The following IQSEC1 variants were observed in gnomAD, a reference collection of about 807,000 sequenced individuals.
The protein encoded by IQSEC1 is IQ motif and SEC7 domain-containing protein 1.
A neutral mutation model predicts 91.0 loss-of-function variants in IQSEC1; 31 were observed. That is an observed-to-expected ratio of 0.34 (90% CI 0.26 to 0.46). The LOEUF (loss-of-function observed/expected upper bound fraction) is 0.46. Among genes scored for constraint, IQSEC1 ranks in the 20% least tolerant of loss-of-function variants. The pLI is 1.00. For synonymous variants in IQSEC1, 699 were observed against 662.6 expected, an observed-to-expected ratio of 1.05 and a Z score of -0.84; for missense variants, 1,388 against 1,575.6, an observed-to-expected ratio of 0.88 and a Z score of 2.02.
intron 3 of IQSEC1, among the ~76,000 whole-genome samples, chr3:12,927,791 CTG>C (rs1412675663): frequency 6.6e-6 from 1 of 152,250 alleles, no homozygotes; most frequent in Non-Finnish European, 1.5e-5. Flanking sequence ...GAGGCCTAGT[CTG>C]TGCAGGGGGC....
chr3:13,240,000 A>G (rs140908698), intron 1 of IQSEC1, among the ~76,000 whole-genome samples: 9 of 152,258 alleles, frequency 5.9e-5, no homozygotes, highest in Admixed American at 3.3e-4. Flanking sequence ...CTTTGCGCGC[A>G]CTGGAAAACT....
intron 1 of IQSEC1, chr3:13,042,378 C>T (rs1204608845): frequency 1.3e-5 from 2 of 152,264 alleles, no homozygotes; most frequent in Admixed American, 6.5e-5. Flanking sequence ...ACCTTTTGGT[C>T]TCCAGCTGGA....
intron 2 of IQSEC1, among the ~76,000 whole-genome samples, chr3:13,104,722 C>T (rs1208543135): frequency 6.6e-6 from 1 of 152,222 alleles, no homozygotes; most frequent in Non-Finnish European, 1.5e-5. Flanking sequence ...CCTTCCTCTT[C>T]ACCCCTCACT....
intron 1 of IQSEC1, among the ~76,000 whole-genome samples, chr3:13,046,792 TC>T (rs1199444765): frequency 6.6e-6 from 1 of 151,834 alleles, no homozygotes; most frequent in Non-Finnish European, 1.5e-5. Flanking sequence ...AGCACAGATG[TC>T]CCCTCCTCCC....
chr3:13,037,942 A>G (rs1052894646), intron 1 of IQSEC1, among the ~76,000 whole-genome samples: 2 of 152,080 alleles, frequency 1.3e-5, no homozygotes, highest in African/African-American at 2.4e-5. Context: ...ATGATTGCAC[A>G]ATAACGTGAA....
At chr3:12,965,782 G>A (rs1373023040) in intron 1 of IQSEC1, among the ~76,000 whole-genome samples, 1 of 152,198 alleles carries the variant, frequency 6.6e-6, no homozygotes. Context: ...TGGAGGGGCA[G>A]AAACCCCTCC....
chr3:13,247,810 T>C (rs1019632876), intron 1 of IQSEC1, among the ~76,000 whole-genome samples: 1 of 152,058 alleles, frequency 6.6e-6, no homozygotes, highest in African/African-American at 2.4e-5. Context: ...ACACAGGCAT[T>C]GCAGGCACTG....
intron 1 of IQSEC1, among the ~76,000 whole-genome samples, chr3:13,219,353 A>G (rs1263883547): frequency 6.6e-6 from 1 of 152,122 alleles, no homozygotes; most frequent in Non-Finnish European, 1.5e-5. Context: ...CAGGTGCTGG[A>G]AATCCCCTCC....
intron 1 of IQSEC1, among the ~76,000 whole-genome samples, chr3:12,969,772 A>G (rs2125536997): frequency 6.6e-6 from 1 of 152,270 alleles, no homozygotes; most frequent in South Asian, 2.1e-4. Context: ...TCTTGGCGAC[A>G]TTGTCTCGGC....
At chr3:13,241,698 C>T (rs1302254448) in intron 1 of IQSEC1, among the ~76,000 whole-genome samples, 2 of 152,270 alleles carry the variant, frequency 1.3e-5, no homozygotes, top group Admixed American at 6.5e-5. Flanking sequence ...TAGCCCAGTT[C>T]CCGGGCTTCC....
chr3:12,968,784 T>A (rs532264571), intron 1 of IQSEC1, among the ~76,000 whole-genome samples: 1 of 152,106 alleles, frequency 6.6e-6, no homozygotes, highest in African/African-American at 2.4e-5. Flanking sequence ...TACAAGTCCA[T>A]CTCCTGGAGG....
intron 2 of IQSEC1, among the ~76,000 whole-genome samples, chr3:13,124,519 G>A: frequency 6.6e-6 from 1 of 152,192 alleles, no homozygotes; most frequent in East Asian, 1.9e-4. Flanking sequence ...ACAGAAAACA[G>A]AGACCGAGAG....
At chr3:13,234,317 G>A (rs980541424) in intron 1 of IQSEC1, among the ~76,000 whole-genome samples, 1 of 149,436 alleles carries the variant, frequency 6.7e-6, no homozygotes, top group South Asian at 2.2e-4. Context: ...GTGTCTGTGT[G>A]TGCCTGTGGG....
chr3:12,970,275 T>C lies in IQSEC1; in HGVS notation c.24-28410A>G, dbSNP rs973370136. Among the ~76,000 whole-genome samples, 6 of 152,208 alleles carry C rather than the reference T, an allele frequency of 3.9e-5. No homozygotes were observed. Among genetic ancestry groups the C allele is most frequent in the Admixed American group, 6.5e-5 (1 of 15,286 alleles). On this transcript the variant is annotated intron_variant, in intron 1 of 13. Coordinates refer to ENST00000613206, the MANE Select transcript of IQSEC1 (RefSeq NM_001134382.3). This position sits in a 1 kb window ranked among gnomAD's most constrained non-coding sequence, Gnocchi z 4.4. ...TGTAATTCTGCCCCAGGAGAGGCTCTAATGGGGGGACATTTTGGGTTGGAC... is the reference window on the plus strand; with the variant it reads ...TGTAATTCTGCCCCAGGAGAGGCTCCAATGGGGGGACATTTTGGGTTGGAC...
intron 1 of IQSEC1, among the ~76,000 whole-genome samples, chr3:13,060,671 G>C (rs796831462): frequency 1.3e-5 from 2 of 152,338 alleles, no homozygotes; most frequent in African/African-American, 4.8e-5. Context: ...ACAGCTGCTG[G>C]GGCAGGGTGG....
At chr3:13,265,760 T>A (rs1218463052) in intron 1 of IQSEC1, among the ~76,000 whole-genome samples, 1 of 152,126 alleles carries the variant, frequency 6.6e-6, no homozygotes, top group African/African-American at 2.4e-5. Flanking sequence ...CAATCCTTTT[T>A]CAAGGTACTT....
At chr3:12,928,158 T>G (rs1575938100) in intron 3 of IQSEC1, among the ~76,000 whole-genome samples, 3 of 112,884 alleles carry the variant, frequency 2.7e-5, no homozygotes, top group East Asian at 2.6e-4. Flanking sequence ...GCAGCAGAGG[T>G]GGGAGGGGGC....
At chr3:13,070,079 G>C (rs1576233825) in intron 1 of IQSEC1, among the ~76,000 whole-genome samples, 1 of 151,970 alleles carries the variant, frequency 6.6e-6, no homozygotes, top group Non-Finnish European at 1.5e-5. Flanking sequence ...ATGGAGGCTA[G>C]GGAGTGAGGA....
At chr3:13,133,810 G>A (rs1160401256) in intron 2 of IQSEC1, among the ~76,000 whole-genome samples, 1 of 152,210 alleles carries the variant, frequency 6.6e-6, no homozygotes, top group African/African-American at 2.4e-5. Context: ...TGGCAGGGAG[G>A]GTTGGGGCAT....
Sources: gnomAD v4.1 joint callset for allele counts (sites outside exome capture counted in the v4.1 genomes callset) on GRCh38, gnomAD v4.1.1 for gene constraint, Gnocchi (gnomAD v3.1) non-coding constraint, MANE v1.5 for transcripts, NCBI Gene and HGNC (gene_info 2026-07-23, HGNC 2026-07-21) for gene names.